Variants in ARHGEF26 observed in about 807,000 individuals in gnomAD.
ARHGEF26 encodes Rho guanine nucleotide exchange factor 26, also known as Rho guanine nucleotide exchange factor (GEF) 26.
Under a neutral mutation model 89.4 loss-of-function variants are expected in ARHGEF26, and 59 were observed. The ratio of observed to expected loss-of-function variants is 0.66; its 90% CI spans 0.54 to 0.82. The LOEUF is 0.82. Among genes scored for constraint, ARHGEF26 ranks in the 40% least tolerant of loss-of-function variants. The pLI, the probability that ARHGEF26 is intolerant of heterozygous loss-of-function variation, is 0.00. For missense variants in ARHGEF26, 1,234 were observed against 1,085.6 expected, an observed-to-expected ratio of 1.14 and a Z score of -1.92; for synonymous variants, 500 against 428.4, an observed-to-expected ratio of 1.17 and a Z score of -2.06.
intron 9 of ARHGEF26, among the ~76,000 whole-genome samples, chr3:154,212,830 G>A (rs116063754): frequency 0.011 from 1,607 of 152,142 alleles, 20 homozygotes; most frequent in African/African-American, 0.036. Flanking sequence ...CCTGCCGTGC[G>A]CTGGATTCCT....
At chr3:154,214,137 G>A (rs1715576906) in intron 9 of ARHGEF26, among the ~76,000 whole-genome samples, 2 of 152,198 alleles carry the variant, frequency 1.3e-5, no homozygotes, top group Admixed American at 1.3e-4. Context: ...GGCCCCACAT[G>A]GGAGCAGTGA....
intron 8 of ARHGEF26, among the ~76,000 whole-genome samples, chr3:154,192,873 T>G (rs1714036687): frequency 6.6e-6 from 1 of 152,240 alleles, no homozygotes; most frequent in African/African-American, 2.4e-5. Context: ...TAAAATGCAT[T>G]TTAAACATGT....
At chr3:154,177,245 A>G (rs1712878634) in intron 6 of ARHGEF26, among the ~76,000 whole-genome samples, 1 of 152,222 alleles carries the variant, frequency 6.6e-6, no homozygotes, top group African/African-American at 2.4e-5. Context: ...CAGCTTGGTT[A>G]TGGTCAAATG....
intron 7 of ARHGEF26, 131 bp downstream of exon 7, chr3:154,187,968 A>T: frequency 1.1e-6 from 1 of 922,640 alleles, no homozygotes; most frequent in Non-Finnish European, 1.6e-6. Flanking sequence ...CAGAGGAGAA[A>T]TGTTTAAGAG....
intron 9 of ARHGEF26, among the ~76,000 whole-genome samples, chr3:154,208,932 A>AT (rs1715199537): frequency 6.6e-6 from 1 of 151,480 alleles, no homozygotes; most frequent in Non-Finnish European, 1.5e-5. Flanking sequence ...TGCCTGGCTA[A>AT]TTTTTTGTAT....
rs1559862400 is a variant in ARHGEF26, at chr3:154,149,440, CAA to C, written c.1322_1323del (p.Gln441ArgfsTer5). ...AGTAAGCCAGGAGGAAAGAAAGAGACAAGAGGTATGTTTCTACCGAGCAGCTG... is the reference window on the plus strand; with the variant it reads ...AGTAAGCCAGGAGGAAAGAAAGAGACGAGGTATGTTTCTACCGAGCAGCTG... ...QTVSQEERKRQEAIFEVISSE... is the reference protein window; with the variant it reads ...QTVSQEERKRXEAIFEVISSE... On this transcript the variant is annotated frameshift_variant, in exon 5 of 15. Transcript: ENST00000465093. LOFTEE classifies it high-confidence loss of function. The C allele has an allele frequency of 6.2e-7, 1 of 1,607,464 alleles. No homozygotes were observed. The highest frequency in any genetic ancestry group is 1.1e-5 in the South Asian group (1 of 89,392).
upstream of ARHGEF26, chr3:154,121,334 G>C (rs1717884143): frequency 1.3e-5 from 2 of 152,358 alleles, no homozygotes; most frequent in South Asian, 2.1e-4. Flanking sequence ...GGCGGATCTG[G>C]GCGGGGCCGA....
chr3:154,143,036 C>T (rs1194187045), intron 4 of ARHGEF26, among the ~76,000 whole-genome samples: 2 of 152,186 alleles, frequency 1.3e-5, no homozygotes, highest in Non-Finnish European at 2.9e-5. Flanking sequence ...ATTATTGGCA[C>T]CTTTAAACAG....
chr3:154,186,165 A>ACACACACACACC (rs766757043), intron 6 of ARHGEF26, among the ~76,000 whole-genome samples: 34 of 150,256 alleles, frequency 2.3e-4, no homozygotes, highest in East Asian at 9.8e-4. Flanking sequence ...ACACACACAC[A>ACACACACACACC]CCCCTATACA....
At chr3:154,254,088 T>G (rs2108306492) in intron 13 of ARHGEF26, among the ~76,000 whole-genome samples, 1 of 152,270 alleles carries the variant, frequency 6.6e-6, no homozygotes, top group South Asian at 2.1e-4. Context: ...GCTAATTTTT[T>G]GTATTTTTAG....
At chr3:154,227,292 ATTT>A (rs10707250) in intron 11 of ARHGEF26, among the ~76,000 whole-genome samples, 60 of 111,706 alleles carry the variant, frequency 5.4e-4, no homozygotes, top group Middle Eastern at 4.5e-3. Flanking sequence ...CTAAGTAAAA[ATTT>A]TTTTTTTTTT....
chr3:154,185,550 G>A (rs562163472), intron 6 of ARHGEF26, among the ~76,000 whole-genome samples: 1 of 152,244 alleles, frequency 6.6e-6, no homozygotes, highest in South Asian at 2.1e-4. Context: ...TGGAGGGGGT[G>A]CAGGTACTGC....
chr3:154,204,242 A>T (rs564756029), intron 9 of ARHGEF26, among the ~76,000 whole-genome samples: 1 of 150,502 alleles, frequency 6.6e-6, no homozygotes, highest in South Asian at 2.1e-4. Flanking sequence ...TGTGTATGGG[A>T]ATTTTCCATT....
chr3:154,122,493 C>T lies in ARHGEF26; in HGVS notation c.501C>T (p.Ala167=). The change falls in exon 2 of 15, where the codon GCC becomes GCT. Residue 167 remains alanine (A), a synonymous_variant. Transcript: ENST00000465093. ...TPEEDLTGLT[A]SPVPSPTANG... ...AGGAGGACCTTACTGGGTTGACTGCCAGCCCGGTGCCTTCGCCCACTGCAA... is the reference window on the plus strand; with the variant it reads ...AGGAGGACCTTACTGGGTTGACTGCTAGCCCGGTGCCTTCGCCCACTGCAA... The T allele has an allele frequency of 6.2e-7, 1 of 1,612,952 alleles. No individual in the cohort carries two copies. The highest frequency in any genetic ancestry group is 8.5e-7 in the Non-Finnish European group (1 of 1,179,780).
At chr3:154,202,742 G>A (rs1714727886) in intron 9 of ARHGEF26, among the ~76,000 whole-genome samples, 1 of 146,238 alleles carries the variant, frequency 6.8e-6, no homozygotes, top group African/African-American at 2.6e-5. Flanking sequence ...GGATTCCTAG[G>A]TATTTTATTC....
intron 8 of ARHGEF26, among the ~76,000 whole-genome samples, chr3:154,193,607 A>G (rs181101815): frequency 3.7e-4 from 56 of 152,298 alleles, no homozygotes; most frequent in Admixed American, 1.0e-3. Context: ...TGTCTCTTCA[A>G]TTTTACCTCA....
At chr3:154,252,867 A>G (rs1484872040) in intron 12 of ARHGEF26, among the ~76,000 whole-genome samples, 1 of 152,204 alleles carries the variant, frequency 6.6e-6, no homozygotes, top group Non-Finnish European at 1.5e-5. Flanking sequence ...TTAAACTGTC[A>G]TATGGGAAGT....
chr3:154,182,656 C>A (rs570854477), intron 6 of ARHGEF26, among the ~76,000 whole-genome samples: 8 of 152,344 alleles, frequency 5.3e-5, no homozygotes, highest in Non-Finnish European at 4.4e-5. Context: ...AGCTGCTACT[C>A]TTCTTGCTGG....
chr3:154,230,875 C>T (rs1716786450), intron 11 of ARHGEF26, among the ~76,000 whole-genome samples: 1 of 152,056 alleles, frequency 6.6e-6, no homozygotes, highest in African/African-American at 2.4e-5. Flanking sequence ...GACTTAAGTT[C>T]AAATTTGGAT....
Sources: allele counts gnomAD v4.1 joint callset (sites outside exome capture counted in the v4.1 genomes callset), GRCh38; gene constraint gnomAD v4.1.1; transcripts MANE v1.5; gene names NCBI Gene and HGNC (gene_info 2026-07-23, HGNC 2026-07-21).